Variants in SLC27A4 observed in about 807,000 individuals in gnomAD.
The protein encoded by SLC27A4 is solute carrier family 27 member 4, also known as long-chain fatty acid transport protein 4.
SLC27A4 carries 33 observed loss-of-function variants against 64.4 expected under a neutral mutation model. The observed-to-expected ratio is 0.51, with a 90% CI of 0.39 to 0.68. The LOEUF (loss-of-function observed/expected upper bound fraction) is 0.68, where lower values mean the gene tolerates loss of function less well. Among genes scored for constraint, SLC27A4 ranks in the 30% least tolerant of loss-of-function variants. SLC27A4 has a pLI of 0.00. For synonymous variants in SLC27A4, 377 were observed against 370.0 expected (o/e 1.02, Z -0.22); for missense variants, 824 against 883.5 (o/e 0.93, Z 0.85).
chr9:128,351,448 G>A (rs994163907), intron 6 of SLC27A4, among the ~76,000 whole-genome samples: 10 of 152,062 alleles, frequency 6.6e-5, no homozygotes, highest in Admixed American at 4.6e-4. Flanking sequence ...AAATAGGCTG[G>A]GCGCAGTGGC....
At position 128,343,112 on chromosome 9, in the gene SLC27A4, G is replaced by T; in HGVS notation, c.-6-15G>T. 6.2e-7 allele frequency: 1 copy of T among 1,612,708 alleles called. No individual in the cohort carries two copies. Among genetic ancestry groups the T allele is most frequent in the Non-Finnish European group, 8.5e-7 (1 of 1,179,810 alleles). On this transcript the variant is annotated splice_polypyrimidine_tract_variant and intron_variant, in intron 1 of 12. Transcript: ENST00000300456. ...GGTTGGGTGTTTGGGTCCACTAACT[G>T]CCCTGTGTCCGCAGGCCACAATGCT...
At chr9:128,350,620 C>T (rs1354210374) in intron 6 of SLC27A4, 45 bp downstream of exon 6, 1 of 1,423,836 alleles carries the variant, frequency 7.0e-7, no homozygotes, top group Admixed American at 1.8e-5. Flanking sequence ...TGCCAGGTCT[C>T]TAGGAACCCC....
At position 128,353,934 on chromosome 9, in the gene SLC27A4, G is replaced by A. The variant is rs1382674053; in HGVS notation, c.1324+393G>A. 2.7e-5 allele frequency among the ~76,000 whole-genome samples: 4 copies of A among 150,208 alleles called. No homozygotes were observed. Among genetic ancestry groups the A allele is most frequent in the East Asian group, 2.0e-4 (1 of 5,114 alleles). ...AATTTTTTGTATTTTTAGTAGAGAC[G>A]GGGTTTCACCGTTTTAGCCGGGATG... On this transcript the variant is annotated intron_variant, in intron 9 of 12. Transcript: ENST00000300456. The surrounding 1 kb of genome is among the most constrained non-coding windows in gnomAD (Gnocchi z 4.9).
chr9:128,353,483 C>T lies in SLC27A4; in HGVS notation c.1266C>T (p.Asn422=), dbSNP rs746737522. ...ACCCCATCCGGTTGGTACGTGTCAA[C>T]GAGGACACCATGGAGCTGATCCGGG... ...FVYPIRLVRV[N]EDTMELIRGP... is the part of the protein sequence containing the mutation. Residue 422 remains asparagine (N), a synonymous_variant, in exon 9 of 13, where the codon AAC becomes AAT. Coordinates refer to ENST00000300456, the MANE Select transcript of SLC27A4 (RefSeq NM_005094.4). The surrounding 1 kb of genome is among the most constrained non-coding windows in gnomAD (Gnocchi z 4.9). 3.7e-5 allele frequency: 59 copies of T among 1,613,980 alleles called. No individual in the cohort carries two copies. In the Middle Eastern group the frequency reaches 4.9e-4, roughly 13 times the overall value.
At chr9:128,341,536 C>T (rs1199683496) in intron 1 of SLC27A4, among the ~76,000 whole-genome samples, 2 of 152,158 alleles carry the variant, frequency 1.3e-5, no homozygotes, top group Admixed American at 1.3e-4. Context: ...ATCAGCTTTG[C>T]CCCCTGGGCG....
chr9:128,348,739 C>T, intron 4 of SLC27A4, 36 bp downstream of exon 4: 1 of 1,607,672 alleles, frequency 6.2e-7, no homozygotes, highest in Non-Finnish European at 8.5e-7. Context: ...GGGGCTCTCA[C>T]ACAGGCCCTG....
intron 12 of SLC27A4, among the ~76,000 whole-genome samples, chr9:128,358,091 C>T (rs773575468): frequency 1.3e-5 from 2 of 152,124 alleles, no homozygotes; most frequent in East Asian, 1.9e-4. Flanking sequence ...CAAAATGGCT[C>T]GAAACAACCA....
chr9:128,345,535 G>A lies in SLC27A4; in HGVS notation c.542G>A (p.Ser181Asn). 4 of 1,606,202 alleles carry A rather than the reference G, an allele frequency of 2.5e-6. No individual in the cohort carries two copies. Among genetic ancestry groups the A allele is most frequent in the Non-Finnish European group, 3.4e-6 (4 of 1,177,548 alleles). Residue 181 changes from serine to asparagine, a missense_variant, in exon 3 of 13, where the codon AGC (serine) becomes AAC (asparagine). Coordinates refer to ENST00000300456, the MANE Select transcript of SLC27A4 (RefSeq NM_005094.4). This position sits in a 1 kb window ranked among gnomAD's most constrained non-coding sequence, Gnocchi z 4.1. ...TSRARALVFG[S>N]EMASAICEVH... ...CGCGCACGGGCCCTTGTCTTTGGCA[G>A]CGAAATGGCCTCAGGTGAGCCCCAA...
chr9:128,342,161 C>T (rs1308757033), intron 1 of SLC27A4: 26 of 1,149,280 alleles, frequency 2.3e-5, no homozygotes, highest in South Asian at 1.8e-4. Flanking sequence ...CAGGACAACT[C>T]GGTGGTGGCC....
intron 12 of SLC27A4, among the ~76,000 whole-genome samples, chr9:128,358,965 C>T (rs867994566): frequency 3.1e-4 from 47 of 152,210 alleles, no homozygotes; most frequent in Non-Finnish European, 4.0e-4. Context: ...CTTTTGCCAC[C>T]TTCTGTTGGT....
intron 12 of SLC27A4, among the ~76,000 whole-genome samples, chr9:128,357,763 C>T (rs934048449): frequency 2.0e-5 from 3 of 152,206 alleles, no homozygotes; most frequent in African/African-American, 7.2e-5. Flanking sequence ...TGGCTGCTCA[C>T]CCTTTGGAGC....
intron 12 of SLC27A4, among the ~76,000 whole-genome samples, chr9:128,358,779 G>C (rs746418482): frequency 6.6e-6 from 1 of 152,184 alleles, no homozygotes; most frequent in Non-Finnish European, 1.5e-5. Context: ...ATAGCCACAT[G>C]AGGTCATATT....
intron 12 of SLC27A4, among the ~76,000 whole-genome samples, chr9:128,357,372 A>G (rs1419542508): frequency 6.6e-6 from 1 of 150,878 alleles, no homozygotes; most frequent in Non-Finnish European, 1.5e-5. Context: ...CCCAGGAGCC[A>G]CAGGTTGCAG....
intron 2 of SLC27A4, 100 bp downstream of exon 2, chr9:128,343,393 C>A: frequency 7.1e-7 from 1 of 1,417,312 alleles, no homozygotes. Flanking sequence ...TCTACCAGCA[C>A]AGGGCAGCTG....
chr9:128,341,619 G>C (rs1832573671), intron 1 of SLC27A4, among the ~76,000 whole-genome samples: 1 of 152,192 alleles, frequency 6.6e-6, no homozygotes, highest in Non-Finnish European at 1.5e-5. Flanking sequence ...GACGCACTGC[G>C]ATACCTGAGT....
chr9:128,350,759 C>T (rs747548833), intron 6 of SLC27A4, among the ~76,000 whole-genome samples, 184 bp downstream of exon 6: 15 of 152,298 alleles, frequency 9.8e-5, no homozygotes, highest in Non-Finnish European at 5.9e-5. Flanking sequence ...AGTTCGAGAC[C>T]AGCCTGGCCA....
intron 1 of SLC27A4, among the ~76,000 whole-genome samples, chr9:128,341,931 G>A (rs1003881098): frequency 1.3e-5 from 2 of 152,108 alleles, no homozygotes; most frequent in East Asian, 1.9e-4. Context: ...TAGAGACAGG[G>A]TTTCACCATC....
At chr9:128,357,810 C>T (rs547916669) in intron 12 of SLC27A4, among the ~76,000 whole-genome samples, 57 of 152,324 alleles carry the variant, frequency 3.7e-4, no homozygotes, top group Non-Finnish European at 6.3e-4. Context: ...GTCGTCATAT[C>T]AGTCCTGCCT....
At chr9:128,343,914 G>A (rs565930228) in intron 2 of SLC27A4, among the ~76,000 whole-genome samples, 1 of 152,366 alleles carries the variant, frequency 6.6e-6, no homozygotes, top group South Asian at 2.1e-4. Context: ...TAAATTGGCA[G>A]TGCCATGTGG....
Sources: allele counts gnomAD v4.1 joint callset (sites outside exome capture counted in the v4.1 genomes callset), GRCh38; gene constraint gnomAD v4.1.1; non-coding constraint Gnocchi (gnomAD v3.1); transcripts MANE v1.5; gene names NCBI Gene and HGNC (gene_info 2026-07-23, HGNC 2026-07-21).